Variants in LRRCC1 observed in about 807,000 individuals in gnomAD.
LRRCC1 encodes leucine-rich repeat and coiled-coil domain-containing protein 1.
A neutral mutation model predicts 126.0 loss-of-function variants in LRRCC1; 115 were observed. The ratio of observed to expected loss-of-function variants is 0.91; its 90% CI spans 0.78 to 1.07. The LOEUF (loss-of-function observed/expected upper bound fraction) is 1.07. Ranked by LOEUF, LRRCC1 falls within the 50% of genes least tolerant of loss-of-function variation. The pLI is 0.00. For synonymous variants in LRRCC1, 400 were observed against 393.4 expected (o/e 1.02, Z -0.20); for missense variants, 1,172 against 1,175.7 (o/e 1.00, Z 0.05).
At chr8:85,112,874 A>G in intron 3 of LRRCC1, 58 bp from the exon 4 acceptor site, 6 of 1,255,650 alleles carry the variant, frequency 4.8e-6, no homozygotes. Context: ...AATTATTTCT[A>G]ATTAGCTATT....
intron 6 of LRRCC1, among the ~76,000 whole-genome samples, chr8:85,119,634 C>T (rs759141903): frequency 2.7e-4 from 41 of 152,074 alleles, no homozygotes; most frequent in East Asian, 3.9e-4. Context: ...GCTGGGATTA[C>T]AGGCATGTGC....
chr8:85,113,031 G>T lies in LRRCC1; in HGVS notation c.476G>T (p.Gly159Val). ...SIHHLLQCMV[G>V]LHFLTNLILE... ...CATCACTTACTTCAGTGTATGGTAG[G>T]ATTGCACTTCCTGACCAATCTTATT... The change falls in exon 4 of 19, where the codon GGA becomes GTA. Residue 159 changes from glycine to valine, a missense_variant. By Grantham distance (109) the Gly-to-Val change is moderately radical. Coordinates refer to ENST00000360375, the MANE Select transcript of LRRCC1 (RefSeq NM_033402.5). 1.2e-6 allele frequency: 2 copies of T among 1,612,302 alleles called. No homozygotes were observed. The highest frequency in any genetic ancestry group is 1.7e-6 in the Non-Finnish European group (2 of 1,178,698).
At chr8:85,120,167 G>T (rs559165804) in intron 6 of LRRCC1, among the ~76,000 whole-genome samples, 2 of 151,982 alleles carry the variant, frequency 1.3e-5, no homozygotes, top group Admixed American at 6.5e-5. Context: ...TTTCTAGGTG[G>T]ATATTCATTG....
In LRRCC1 at chr8:85,109,725, A is replaced by G. The variant is rs780720174; in HGVS notation, c.235A>G (p.Arg79Gly). 1 of 1,603,690 alleles carries G rather than the reference A, an allele frequency of 6.2e-7. No homozygotes were observed. Among genetic ancestry groups the G allele is most frequent in the Admixed American group, 1.7e-5 (1 of 59,874 alleles). Residue 79 changes from arginine (R) to glycine (G), a missense_variant, in exon 2 of 19, where the codon AGA becomes GGA. Transcript: ENST00000360375. ...AGATCTGTCATCTAATCAAATAAGT[A>G]GAATTGAAGGACTAAACACACTGAC... ...HLDLSSNQIS[R>G]IEGLNTLTKL...
rs1810045367 is a variant in LRRCC1, at chr8:85,126,822, T to C, written c.1406T>C (p.Leu469Pro). ...NEKEDIHSLA[L>P]LTTDRLKEII... ...AAAGAGGATATTCATAGTCTGGCTC[T>C]ACTTACCACAGATAGGTAAAAAGAA... Residue 469 changes from leucine to proline, a missense_variant, in exon 9 of 19, where the codon CTA (leucine) becomes CCA (proline). Coordinates refer to ENST00000360375, the MANE Select transcript of LRRCC1 (RefSeq NM_033402.5). 1 of 1,609,718 alleles carries C rather than the reference T, an allele frequency of 6.2e-7. No homozygotes were observed. The highest frequency in any genetic ancestry group is 1.7e-5 in the Admixed American group (1 of 59,284).
chr8:85,144,442 GTGTATATATATATA>G (rs1315407714), intron 18 of LRRCC1, among the ~76,000 whole-genome samples: 1,375 of 106,760 alleles, frequency 0.013, 28 homozygotes, highest in East Asian at 0.07. Context: ...GTGTGTGTGT[GTGTATATATATATA>G]TATATATATA....
intron 1 of LRRCC1, 66 bp from the exon 2 acceptor site, chr8:85,109,529 G>A: frequency 1.1e-6 from 1 of 901,220 alleles, no homozygotes; most frequent in Non-Finnish European, 1.7e-6. Flanking sequence ...CGTGCTGTTT[G>A]GTTAATTTTA....
intron 13 of LRRCC1, 95 bp downstream of exon 13, chr8:85,135,127 T>A: frequency 2.5e-6 from 2 of 792,360 alleles, no homozygotes; most frequent in Non-Finnish European, 3.8e-6. Context: ...AAGGAACTTT[T>A]AAATGATACT....
chr8:85,113,002 T>C lies in LRRCC1; in HGVS notation c.447T>C (p.Ser149=). The C allele has an allele frequency of 7.5e-6, 12 of 1,602,270 alleles. No individual in the cohort carries two copies. Among genetic ancestry groups the C allele is most frequent in the Non-Finnish European group, 1.0e-5 (12 of 1,170,118 alleles). The part of the protein sequence containing the change: ...YIDLHSNRID[S]IHHLLQCMVG... ...ATCTACATAGTAATCGTATAGATAG[T>C]ATCCATCACTTACTTCAGTGTATGG... Residue 149 remains serine (S), a synonymous_variant, in exon 4 of 19, where the codon AGT becomes AGC. Coordinates refer to ENST00000360375, the MANE Select transcript of LRRCC1 (RefSeq NM_033402.5).
In LRRCC1 at chr8:85,115,134, G is replaced by T. The variant is rs764408502; in HGVS notation, c.579G>T (p.Gln193His). The change falls in exon 5 of 19, where the codon CAG (glutamine) becomes CAT (histidine). Residue 193 changes from glutamine to histidine, a missense_variant. Gln to His is a conservative substitution (Grantham distance 24). Coordinates refer to ENST00000360375, the MANE Select transcript of LRRCC1 (RefSeq NM_033402.5). ...YRAVILQTLPQLRILDCKNIF... is the reference protein window; with the variant it reads ...YRAVILQTLPHLRILDCKNIF... ...CAGTTATTCTCCAGACTTTGCCACA[G>T]CTTAGAATCCTAGATTGCAAGAACA... is the stretch of plus-strand genomic sequence containing the variant. 1 of 1,611,594 alleles carries T rather than the reference G, an allele frequency of 6.2e-7. No individual in the cohort carries two copies. Among genetic ancestry groups the T allele is most frequent in the Admixed American group, 1.7e-5 (1 of 59,596 alleles).
At chr8:85,107,684 C>T in intron 1 of LRRCC1, 1 of 285,714 alleles carries the variant, frequency 3.5e-6, no homozygotes, top group Non-Finnish European at 6.5e-6. Context: ...AGCTTCTGAC[C>T]ACTCTTTCCT....
At chr8:85,124,406 C>T (rs1348054357) in intron 7 of LRRCC1, among the ~76,000 whole-genome samples, 1 of 152,122 alleles carries the variant, frequency 6.6e-6, no homozygotes, top group African/African-American at 2.4e-5. Context: ...GTGATAGAAT[C>T]TATTAACTTT....
intron 6 of LRRCC1, 120 bp from the exon 7 acceptor site, chr8:85,123,293 A>G (rs1809709873): frequency 1.5e-6 from 1 of 671,728 alleles, no homozygotes; most frequent in African/African-American, 1.9e-5. Flanking sequence ...TTTAATATCA[A>G]ACATTTCTAG....
intron 15 of LRRCC1, 139 bp downstream of exon 15, chr8:85,137,766 A>G: frequency 1.7e-6 from 1 of 599,512 alleles, no homozygotes; most frequent in East Asian, 3.2e-5. Flanking sequence ...TCTTTTTATA[A>G]TATTTGCCCT....
At chr8:85,141,624 C>A (rs899854507) in intron 18 of LRRCC1, 107 bp downstream of exon 18, 3 of 802,594 alleles carry the variant, frequency 3.7e-6, no homozygotes, top group East Asian at 2.8e-5. Flanking sequence ...GATCTCATGA[C>A]CAAATAGATA....
At chr8:85,133,664 T>C (rs1810649482) in intron 12 of LRRCC1, among the ~76,000 whole-genome samples, 1 of 152,162 alleles carries the variant, frequency 6.6e-6, no homozygotes, top group East Asian at 1.9e-4. Flanking sequence ...ACACATTCAG[T>C]ACCTCAAGAG....
chr8:85,141,028 T>C (rs368266484), intron 17 of LRRCC1, among the ~76,000 whole-genome samples: 89 of 152,202 alleles, frequency 5.8e-4, no homozygotes, highest in African/African-American at 1.8e-3. Flanking sequence ...ATCATGCCAC[T>C]GCACTCCAGC....
At chr8:85,108,288 TC>T (rs1353116727) in intron 1 of LRRCC1, among the ~76,000 whole-genome samples, 1 of 152,240 alleles carries the variant, frequency 6.6e-6, no homozygotes, top group Non-Finnish European at 1.5e-5. Context: ...ATTTTACATT[TC>T]TATTTAATAC....
At chr8:85,136,564 C>T (rs968165634) in intron 14 of LRRCC1, among the ~76,000 whole-genome samples, 2 of 151,954 alleles carry the variant, frequency 1.3e-5, no homozygotes, top group Non-Finnish European at 2.9e-5. Flanking sequence ...CGTGACCCAC[C>T]GTACCCGGCC....
Sources: gnomAD v4.1 joint callset for allele counts (sites outside exome capture counted in the v4.1 genomes callset) on GRCh38, gnomAD v4.1.1 for gene constraint, MANE v1.5 for transcripts, NCBI Gene and HGNC (gene_info 2026-07-23, HGNC 2026-07-21) for gene names.